Variants in PDZD2 observed in about 807,000 individuals in gnomAD.
PDZD2 encodes the protein PDZ domain-containing protein 2.
In PDZD2, 90 loss-of-function variants were observed where a neutral mutation model predicts 220.7. That is an observed-to-expected ratio of 0.41 (90% CI 0.34 to 0.49). The LOEUF is 0.49. Ranked by LOEUF, PDZD2 falls within the 20% of genes least tolerant of loss-of-function variation. The probability of loss-of-function intolerance (pLI) is 0.28; values close to 1 mark genes in which losing one functional copy is unlikely to be tolerated. For missense variants in PDZD2, 3,174 were observed against 3,608.5 expected (o/e 0.88, Z 3.08); for synonymous variants, 1,375 against 1,450.5 (o/e 0.95, Z 1.18).
At chr5:31,840,166 G>C (rs1757176138) in intron 2 of PDZD2, among the ~76,000 whole-genome samples, 1 of 151,928 alleles carries the variant, frequency 6.6e-6, no homozygotes. Context: ...GAAGCAGGCA[G>C]CTTGAGACTG....
intron 2 of PDZD2, among the ~76,000 whole-genome samples, chr5:31,913,609 G>A (rs566701342): frequency 3.3e-5 from 5 of 152,160 alleles, no homozygotes; most frequent in Non-Finnish European, 5.9e-5. Context: ...GGGGCTGTTC[G>A]TCATGGCTCT....
rs189831224 is a variant in PDZD2 at position 31,685,835 on chromosome 5, A to T, written c.-361+46398A>T. Among the ~76,000 whole-genome samples the T allele has an allele frequency of 1.4e-4, 21 of 152,154 alleles. No individual in the cohort carries two copies. The East Asian group carries it at 1.9e-3, about 14-fold the overall frequency. On this transcript the variant is annotated intron_variant, in intron 1 of 24. Coordinates refer to ENST00000438447, the MANE Select transcript of PDZD2 (RefSeq NM_178140.4). ...CGCACCCAGCCCATATTATTTTCAAACAAATCCCAGACATCGTCATTTATC... is the reference window on the plus strand; with the variant it reads ...CGCACCCAGCCCATATTATTTTCAATCAAATCCCAGACATCGTCATTTATC...
At chr5:31,653,027 AAAAC>A (rs562995072) in intron 1 of PDZD2, among the ~76,000 whole-genome samples, 8 of 152,180 alleles carry the variant, frequency 5.3e-5, no homozygotes, top group East Asian at 1.9e-4. Flanking sequence ...AAAAGACCAA[AAAAC>A]AAACAAAAAA....
chr5:32,048,982 C>G (rs1186256565), intron 8 of PDZD2, among the ~76,000 whole-genome samples: 1 of 152,142 alleles, frequency 6.6e-6, no homozygotes, highest in East Asian at 1.9e-4. Flanking sequence ...CTGTGGTGAA[C>G]CAGCACTGCT....
chr5:31,917,236 G>C (rs1257027935), intron 2 of PDZD2, among the ~76,000 whole-genome samples: 4 of 152,358 alleles, frequency 2.6e-5, no homozygotes, highest in Non-Finnish European at 2.9e-5. Flanking sequence ...TGGCCAAGGA[G>C]AGTTAAGAAG....
chr5:31,995,434 C>A (rs1271437560), intron 3 of PDZD2, 142 bp from the exon 4 acceptor site: 1 of 842,980 alleles, frequency 1.2e-6, no homozygotes, highest in African/African-American at 1.7e-5. Flanking sequence ...GTCCAATCGG[C>A]AGAATTCTTT....
intron 1 of PDZD2, among the ~76,000 whole-genome samples, chr5:31,699,191 T>C (rs570038054): frequency 4.0e-4 from 61 of 152,140 alleles, no homozygotes; most frequent in African/African-American, 1.2e-3. Flanking sequence ...GTCCCGTTCA[T>C]TGTGGTAAGT....
At chr5:31,703,171 G>T (rs981038814) in intron 1 of PDZD2, among the ~76,000 whole-genome samples, 22 of 152,310 alleles carry the variant, frequency 1.4e-4, no homozygotes, top group African/African-American at 5.3e-4. Context: ...TGTAAAGAGC[G>T]GCCATTAGAT....
intron 1 of PDZD2, among the ~76,000 whole-genome samples, chr5:31,694,802 T>TTTTATTTTATTTTCTTTTA (rs1747309882): frequency 7.0e-6 from 1 of 143,746 alleles, no homozygotes; most frequent in South Asian, 2.1e-4. Flanking sequence ...TATTTATTTT[T>TTTTATTTTATTTTCTTTTA]TTTTTGTGAA....
intron 12 of PDZD2, among the ~76,000 whole-genome samples, chr5:32,058,622 C>G (rs970400030): frequency 1.4e-5 from 2 of 142,660 alleles, no homozygotes; most frequent in Non-Finnish European, 3.0e-5. Flanking sequence ...TGCAGTGAGC[C>G]GAGATCGTGC....
chr5:31,944,142 G>A (rs927025899), intron 2 of PDZD2, among the ~76,000 whole-genome samples: 1 of 152,004 alleles, frequency 6.6e-6, no homozygotes, highest in Admixed American at 6.6e-5. Flanking sequence ...CCAGATAATT[G>A]GTTTTCTTTG....
intron 2 of PDZD2, among the ~76,000 whole-genome samples, chr5:31,806,035 T>G (rs1754694516): frequency 6.6e-6 from 1 of 152,188 alleles, no homozygotes; most frequent in South Asian, 2.1e-4. Context: ...CGTGACACAG[T>G]AAATCCCTGT....
At position 32,089,557 on chromosome 5, in the gene PDZD2, A is replaced by C; in HGVS notation, c.6109A>C (p.Ser2037Arg). 6.2e-7 allele frequency: 1 copy of C among 1,612,292 alleles called. No homozygotes were observed. Among genetic ancestry groups the C allele is most frequent in the Non-Finnish European group, 8.5e-7 (1 of 1,180,014 alleles). ...GCCCCGTGCTGACTCCGGGCCGGTG[A>C]GTCCGGCAGCGTCTAGGAACGGCAT... ...RAPRADSGPV[S>R]PAASRNGMSV... The change falls in exon 20 of 25, where the codon AGT becomes CGT. Residue 2037 changes from serine (S) to arginine (R), a missense_variant. Physicochemically the swap from Ser to Arg is moderately radical, Grantham distance 110. Around this residue, in one of 4 missense-constraint regions of PDZD2, gnomAD observed 1,861 missense variants for 2,001.0 expected, o/e 0.93. Transcript: ENST00000438447.
At chr5:31,871,090 A>G (rs547485053) in intron 2 of PDZD2, among the ~76,000 whole-genome samples, 2 of 152,320 alleles carry the variant, frequency 1.3e-5, no homozygotes, top group South Asian at 4.1e-4. Flanking sequence ...AAATCTTTCT[A>G]AGTTAGCATT....
At position 32,089,659 on chromosome 5, in the gene PDZD2, A is replaced by G. The variant is rs1183326103; in HGVS notation, c.6211A>G (p.Thr2071Ala). 1 of 1,614,100 alleles carries G rather than the reference A, an allele frequency of 6.2e-7. No homozygotes were observed. The highest frequency in any genetic ancestry group is 8.5e-7 in the Non-Finnish European group (1 of 1,179,994). The change falls in exon 20 of 25, where the codon ACT becomes GCT. Residue 2071 changes from threonine to alanine, a missense_variant. By Grantham distance (58) the Thr-to-Ala change is moderately conservative. This residue lies in a region of PDZD2 where 1,861 missense variants were observed against 2,001.0 expected (regional missense o/e 0.93). Coordinates refer to ENST00000438447, the MANE Select transcript of PDZD2 (RefSeq NM_178140.4). The stretch of plus-strand genomic sequence containing the variant: ...AGCAGACACAGCCCAACCCAGGCCG[A>G]CTGGCGAAAAAGGAGGCAACATAAT... Reference protein sequence around the residue: ...VAADTAQPRPTGEKGGNIMAS... With the variant: ...VAADTAQPRPAGEKGGNIMAS...
intron 1 of PDZD2, among the ~76,000 whole-genome samples, chr5:31,718,371 A>G (rs1463910658): frequency 6.6e-6 from 1 of 152,206 alleles, no homozygotes; most frequent in African/African-American, 2.4e-5. Flanking sequence ...GCATGGTCTG[A>G]GTCTGCAGGC....
At chr5:32,014,819 G>T (rs1375852315) in intron 6 of PDZD2, among the ~76,000 whole-genome samples, 2 of 145,054 alleles carry the variant, frequency 1.4e-5, no homozygotes, top group African/African-American at 2.6e-5. Flanking sequence ...GGGTTTAAGC[G>T]ATTCTTCCGC....
At chr5:31,909,649 A>C (rs575215444) in intron 2 of PDZD2, among the ~76,000 whole-genome samples, 236 of 152,318 alleles carry the variant, frequency 1.5e-3, no homozygotes, top group African/African-American at 5.2e-3. Context: ...TTTACTACTA[A>C]TAATACAGTG....
chr5:32,016,761 T>C (rs540468272), intron 6 of PDZD2, among the ~76,000 whole-genome samples: 1 of 152,264 alleles, frequency 6.6e-6, no homozygotes, highest in Admixed American at 6.5e-5. Flanking sequence ...TTATGTAACT[T>C]CAGGATTCAC....
Sources: gnomAD v4.1 joint callset for allele counts (sites outside exome capture counted in the v4.1 genomes callset) on GRCh38, gnomAD v4.1.1 for gene constraint, gnomAD v4.1.1 regional missense constraint, MANE v1.5 for transcripts, NCBI Gene and HGNC (gene_info 2026-07-23, HGNC 2026-07-21) for gene names.